Variants in PRDM2 observed in about 807,000 individuals in gnomAD.
PRDM2 encodes PR/SET domain 2.
A neutral mutation model predicts 130.0 loss-of-function variants in PRDM2; 30 were observed. That is an observed-to-expected ratio of 0.23 (90% confidence interval 0.17 to 0.31). PRDM2 has a LOEUF of 0.31. Among genes scored for constraint, PRDM2 ranks in the 10% least tolerant of loss-of-function variants. The pLI, the probability that PRDM2 is intolerant of heterozygous loss-of-function variation, is 1.00. For synonymous variants in PRDM2, 871 were observed against 782.4 expected (o/e 1.11, Z -1.89); for missense variants, 2,011 against 2,108.4 (o/e 0.95, Z 0.90).
At chr1:13,810,195 G>C (rs1199271586) in intron 8 of PRDM2, among the ~76,000 whole-genome samples, 3 of 152,094 alleles carry the variant, frequency 2.0e-5, no homozygotes, top group East Asian at 1.9e-4. Flanking sequence ...GACCTCTCAG[G>C]TTCCCCAAGG....
chr1:13,789,126 G>C (rs1316009563), intron 8 of PRDM2, among the ~76,000 whole-genome samples: 2 of 152,134 alleles, frequency 1.3e-5, no homozygotes, highest in Admixed American at 6.5e-5. Context: ...AGTCACCAAG[G>C]AACCACATCA....
At position 13,780,184 on chromosome 1, in the gene PRDM2, C is replaced by G. The variant is rs1396303894; in HGVS notation, c.2389C>G (p.Pro797Ala). 3 of 1,599,480 alleles carry G rather than the reference C, an allele frequency of 1.9e-6. No individual in the cohort carries two copies. Among genetic ancestry groups the G allele is most frequent in the Non-Finnish European group, 2.6e-6 (3 of 1,171,914 alleles). ...GAGAGATGAGAGAGAAACTGTGAGC[C>G]CTCCATGCTTTGATGAATATAAAAT... ...SGRDERETVS[P>A]PCFDEYKMSK... The change falls in exon 8 of 10, where the codon CCT (proline) becomes GCT (alanine). Residue 797 changes from proline (P) to alanine (A), a missense_variant. Around this residue, in one of 5 missense-constraint regions of PRDM2, gnomAD observed 1,288 missense variants for 1,237.7 expected, o/e 1.04. Coordinates refer to ENST00000311066, the MANE Select transcript of PRDM2 (RefSeq NM_001393986.1).
chr1:13,743,826 T>TA (rs1643523477), intron 5 of PRDM2, among the ~76,000 whole-genome samples: 1 of 152,260 alleles, frequency 6.6e-6, no homozygotes, highest in East Asian at 1.9e-4. Context: ...GATTTTTTGT[T>TA]ACACTTTCTT....
chr1:13,779,049 GAA>G lies in PRDM2; in HGVS notation c.1256_1257del (p.Lys419ThrfsTer13). On this transcript the variant is annotated frameshift_variant, in exon 8 of 10. Coordinates refer to ENST00000311066, the MANE Select transcript of PRDM2 (RefSeq NM_001393986.1). LOFTEE classifies it high-confidence loss of function. The surrounding 1 kb of genome is among the most constrained non-coding windows in gnomAD (Gnocchi z 4.9). ...ERRHEAGLKRKPSQTLQPSED... is the reference protein window; with the variant it reads ...ERRHEAGLKRXPSQTLQPSED... ...GGCGCCATGAAGCAGGGTTAAAGCG[GAA>G]ACCCAGCCAAACACTACAGCCGTCA... 6.2e-7 allele frequency: 1 copy of G among 1,614,174 alleles called. No individual in the cohort carries two copies. The highest frequency in any genetic ancestry group is 8.5e-7 in the Non-Finnish European group (1 of 1,180,018).
chr1:13,718,825 C>G (rs564893155), intron 2 of PRDM2, among the ~76,000 whole-genome samples: 1 of 152,242 alleles, frequency 6.6e-6, no homozygotes, highest in South Asian at 2.1e-4. Flanking sequence ...CACACCCATC[C>G]TGATACTTAA....
chr1:13,749,116 C>G (rs1218311171), intron 5 of PRDM2, among the ~76,000 whole-genome samples: 3 of 152,118 alleles, frequency 2.0e-5, no homozygotes, highest in Non-Finnish European at 4.4e-5. Flanking sequence ...CTCCGCTACC[C>G]GTCACCGGGC....
chr1:13,778,094 C>T (rs999356763), intron 7 of PRDM2, among the ~76,000 whole-genome samples: 9 of 152,120 alleles, frequency 5.9e-5, no homozygotes, highest in African/African-American at 2.2e-4. Context: ...CAGTTTCTGT[C>T]AACAGAGTTG....
chr1:13,792,491 T>C (rs952835445), intron 8 of PRDM2, among the ~76,000 whole-genome samples: 1 of 152,242 alleles, frequency 6.6e-6, no homozygotes, highest in African/African-American at 2.4e-5. Flanking sequence ...AACATTCTCT[T>C]CTCACTTGCT....
chr1:13,821,759 G>A (rs966351441), intron 9 of PRDM2, among the ~76,000 whole-genome samples: 4 of 152,062 alleles, frequency 2.6e-5, no homozygotes, highest in African/African-American at 4.8e-5. Flanking sequence ...GAGCCACCGC[G>A]CCCAGCCTGC....
Position 13,782,386 on chromosome 1 carries a change from T to C in PRDM2, c.4591T>C (p.Leu1531=), listed in dbSNP as rs754974518. The part of the protein sequence containing the change: ...EIKMQSMQTP[L]GKTRARSSGP... ...TAAAATGCAAAGCATGCAGACTCCGTTGGGCAAGACCAGAGCCCGCAGCTC... is the reference window on the plus strand; with the variant it reads ...TAAAATGCAAAGCATGCAGACTCCGCTGGGCAAGACCAGAGCCCGCAGCTC... The change falls in exon 8 of 10, where the codon TTG becomes CTG. Residue 1531 remains leucine, a synonymous_variant. Transcript: ENST00000311066. 2.0e-5 allele frequency: 33 copies of C among 1,612,360 alleles called. No individual in the cohort carries two copies. The highest frequency in any genetic ancestry group is 1.6e-4 in the Middle Eastern group (1 of 6,080).
rs188087655 is a variant in PRDM2, at chr1:13,741,099, C to T, written c.232-906C>T. ...CTGCAGTTCTGTTTCAGTGCCTACT[C>T]GAGTGTTTTGTAGACTGGTTTTGGG... On this transcript the variant is annotated intron_variant, in intron 4 of 9. Transcript: ENST00000311066. Among the ~76,000 whole-genome samples, 114 of 152,272 alleles carry T rather than the reference C, an allele frequency of 7.5e-4. 1 individual carries two copies. Among genetic ancestry groups the T allele is most frequent in the Admixed American group, 2.7e-3 (41 of 15,298 alleles).
At chr1:13,750,977 T>TACTGTGCC (rs1307788632) in intron 6 of PRDM2, among the ~76,000 whole-genome samples, 2 of 152,216 alleles carry the variant, frequency 1.3e-5, no homozygotes, top group African/African-American at 4.8e-5. Flanking sequence ...GTACCCTCTT[T>TACTGTGCC]ACTGTGCCAC....
chr1:13,716,242 T>C (rs1463824548), intron 2 of PRDM2, among the ~76,000 whole-genome samples: 1 of 148,000 alleles, frequency 6.8e-6, no homozygotes, highest in East Asian at 2.0e-4. Flanking sequence ...TAGGTGGGAA[T>C]TGAACAATGA....
chr1:13,716,772 G>A (rs953954911), intron 2 of PRDM2, among the ~76,000 whole-genome samples: 4 of 152,262 alleles, frequency 2.6e-5, no homozygotes, highest in African/African-American at 2.4e-5. Flanking sequence ...ACAGAAATAC[G>A]TGGGTGTCAG....
In PRDM2 at chr1:13,785,257, A is replaced by T. The variant is rs148302484; in HGVS notation, c.5036+2426A>T. Among the ~76,000 whole-genome samples the T allele has an allele frequency of 2.2e-4, 33 of 151,922 alleles. No individual in the cohort carries two copies. In the East Asian group the frequency reaches 6.3e-3, roughly 29 times the overall value. On this transcript the variant is annotated intron_variant, in intron 8 of 9. Coordinates refer to ENST00000311066, the MANE Select transcript of PRDM2 (RefSeq NM_001393986.1). ...GATTCCTGACACAAGGAATCATCAC[A>T]TCTATTACATGTCGAGGAATACTCA...
rs900837164 is a variant in PRDM2, at chr1:13,731,205, C to T, written c.127+88C>T. ...CTGCAGGGGCATGTCAGGTAGGGAGCGCACCATAAAAGCAGCAATTTACCC... is the reference window on the plus strand; with the variant it reads ...CTGCAGGGGCATGTCAGGTAGGGAGTGCACCATAAAAGCAGCAATTTACCC... On this transcript the variant is annotated intron_variant, in intron 3 of 9. Transcript: ENST00000311066. 16 of 1,025,564 alleles carry T rather than the reference C, an allele frequency of 1.6e-5. 1 individual carries two copies. Among genetic ancestry groups the T allele is most frequent in the East Asian group, 7.5e-5 (3 of 39,978 alleles). The allele number at this position is 1,025,564 out of a possible 1,614,324, so 63.5% of individuals were successfully genotyped here. A position where few individuals can be genotyped will look rare whatever the true frequency, so the allele number is the denominator to read the frequency against.
chr1:13,780,558 T>C lies in PRDM2; in HGVS notation c.2763T>C (p.Ala921=). The C allele has an allele frequency of 1.2e-6, 2 of 1,614,122 alleles. No individual in the cohort carries two copies. Among genetic ancestry groups the C allele is most frequent in the Non-Finnish European group, 8.5e-7 (1 of 1,180,020 alleles). ...RSPSPCKSLE[A]QPDPDLGPGS... Reference sequence around the variant, plus strand: ...CAAGTCCTTGTAAATCCCTAGAAGCTCAGCCAGATCCTGACCTCGGTCCGG... The same window carrying C: ...CAAGTCCTTGTAAATCCCTAGAAGCCCAGCCAGATCCTGACCTCGGTCCGG... Residue 921 remains alanine (A), a synonymous_variant, in exon 8 of 10, where the codon GCT becomes GCC. Transcript: ENST00000311066.
At chr1:13,745,015 A>T (rs1404674969) in intron 5 of PRDM2, among the ~76,000 whole-genome samples, 1 of 152,194 alleles carries the variant, frequency 6.6e-6, no homozygotes, top group Non-Finnish European at 1.5e-5. Flanking sequence ...AATTCCTGAA[A>T]GTTAGCTGTT....
chr1:13,823,301 A>T lies in PRDM2; in HGVS notation c.*166A>T, dbSNP rs1645383213. On this transcript the variant is annotated 3_prime_UTR_variant, in exon 10 of 10. Coordinates refer to ENST00000311066, the MANE Select transcript of PRDM2 (RefSeq NM_001393986.1). ...TGCATGTGTGCGTGCGTGTGTGTTCACGTGTTCTCGTGCGGGCGCGTGAGT... is the reference window on the plus strand; with the variant it reads ...TGCATGTGTGCGTGCGTGTGTGTTCTCGTGTTCTCGTGCGGGCGCGTGAGT... 5.5e-6 allele frequency: 7 copies of T among 1,273,126 alleles called. No individual in the cohort carries two copies. Among genetic ancestry groups the T allele is most frequent in the African/African-American group, 3.0e-5 (2 of 67,288 alleles). 78.9% of individuals were successfully genotyped at this position (1,273,126 alleles called of 1,614,324 possible).
Sources: allele counts gnomAD v4.1 joint callset (sites outside exome capture counted in the v4.1 genomes callset), GRCh38; gene constraint gnomAD v4.1.1; regional missense constraint gnomAD v4.1.1; non-coding constraint Gnocchi (gnomAD v3.1); transcripts MANE v1.5; gene names NCBI Gene and HGNC (gene_info 2026-07-23, HGNC 2026-07-21).